The following PROCA1 variants were observed in gnomAD, a reference collection of about 807,000 sequenced individuals.
PROCA1 encodes the protein protein PROCA1.
PROCA1 carries 22 observed loss-of-function variants against 23.2 expected under a neutral mutation model. The observed-to-expected ratio is 0.95, with a 90% CI of 0.68 to 1.35. The LOEUF (loss-of-function observed/expected upper bound fraction) is 1.35. PROCA1 is among the 40% of genes most tolerant of loss of function. The pLI, the probability that PROCA1 is intolerant of heterozygous loss-of-function variation, is 0.00. For synonymous variants in PROCA1, 182 were observed against 179.2 expected (o/e 1.02, Z -0.12); for missense variants, 469 against 459.8 (o/e 1.02, Z -0.18).
chr17:28,711,318 C>T (rs2032770403), intron 1 of PROCA1: 2 of 562,328 alleles, frequency 3.6e-6, no homozygotes, highest in Admixed American at 4.0e-5. Flanking sequence ...CCAGACTTCC[C>T]GCCCATCCCG....
At chr17:28,706,586 C>A in intron 2 of PROCA1, 94 bp downstream of exon 2, 1 of 880,546 alleles carries the variant, frequency 1.1e-6, no homozygotes, top group South Asian at 1.4e-5. Context: ...CACTTCCCTC[C>A]CTCCCTGCCT....
At position 28,703,327 on chromosome 17, in the gene PROCA1, T is replaced by A. The variant is rs1448823065; in HGVS notation, c.*231A>T. 1 of 563,404 alleles carries A rather than the reference T, an allele frequency of 1.8e-6. No homozygotes were observed. The highest frequency in any genetic ancestry group is 3.1e-6 in the Non-Finnish European group (1 of 319,092). The allele number at this position is 563,404 out of a possible 1,614,324, so 34.9% of individuals were successfully genotyped here. ...CTCCTTCCCACCCCAGATACACTCT[T>A]CCACCTTGTCCTAGCAGGTAGGAAG... On this transcript the variant is annotated 3_prime_UTR_variant, in exon 5 of 5. Coordinates refer to ENST00000682792, the MANE Select transcript of PROCA1 (RefSeq NM_001366301.1).
In PROCA1 at chr17:28,711,732, A is replaced by G; in HGVS notation, c.-72T>C. ...CCAACCCTGAGCCTCAGCCCGGCCGAGCCCTCGGCCCAGCCGTGAACTCCA... is the reference window on the plus strand; with the variant it reads ...CCAACCCTGAGCCTCAGCCCGGCCGGGCCCTCGGCCCAGCCGTGAACTCCA... On this transcript the variant is annotated 5_prime_UTR_variant, in exon 1 of 5. Coordinates refer to ENST00000682792, the MANE Select transcript of PROCA1 (RefSeq NM_001366301.1). 1 of 1,388,052 alleles carries G rather than the reference A, an allele frequency of 7.2e-7. No homozygotes were observed. The highest frequency in any genetic ancestry group is 2.1e-5 in the Admixed American group (1 of 46,796). The allele number at this position is 1,388,052 out of a possible 1,614,324, so 86.0% of individuals were successfully genotyped here.
rs543135538 is a variant in PROCA1 at position 28,704,072 on chromosome 17, G to T, written c.581C>A (p.Ala194Asp). The change falls in exon 5 of 5, where the codon GCC becomes GAC. Residue 194 changes from alanine to aspartate, a missense_variant. Coordinates refer to ENST00000682792, the MANE Select transcript of PROCA1 (RefSeq NM_001366301.1). ...KPPIPTQVGP[A>D]TASPDLGTSM... is the part of the protein sequence containing the mutation. ...GGTGCCTAGGTCAGGGGAGGCGGTG[G>T]CGGGCCCCACCTGTGTCGGGATGGG... The T allele has an allele frequency of 1.0e-5, 16 of 1,599,958 alleles. No individual in the cohort carries two copies. The East Asian group carries it at 1.3e-4, about 13-fold the overall frequency.
At position 28,711,633 on chromosome 17, in the gene PROCA1, C is replaced by T; in HGVS notation, c.28G>A (p.Glu10Lys). The T allele has an allele frequency of 6.2e-7, 1 of 1,612,826 alleles. No homozygotes were observed. Among genetic ancestry groups the T allele is most frequent in the Non-Finnish European group, 8.5e-7 (1 of 1,179,602 alleles). Residue 10 changes from glutamate (E) to lysine (K), a missense_variant, in exon 1 of 5, where the codon GAA (glutamate) becomes AAA (lysine). Physicochemically the swap from Glu to Lys is moderately conservative, Grantham distance 56 (BLOSUM62 1). Transcript: ENST00000682792. MWVRTTLTI[E>K]RWTKEKTEPK... Reference sequence around the variant, plus strand: ...TCGGTCTTTTCCTTAGTCCATCTTTCAATTGTGAGCGTCGTCCTGACCCAC... The same window carrying T: ...TCGGTCTTTTCCTTAGTCCATCTTTTAATTGTGAGCGTCGTCCTGACCCAC...
At chr17:28,706,868 C>A in intron 1 of PROCA1, 105 bp from the exon 2 acceptor site, 1 of 1,035,916 alleles carries the variant, frequency 9.7e-7, no homozygotes, top group South Asian at 1.4e-5. Context: ...TCGCTGCATC[C>A]TGGAGATGCA....
rs749445488 is a variant in PROCA1, at chr17:28,711,624, T to C, written c.37A>G (p.Thr13Ala). ...GCCTTGGGCTCGGTCTTTTCCTTAG[T>C]CCATCTTTCAATTGTGAGCGTCGTC... is the stretch of plus-strand genomic sequence containing the variant. Reference protein sequence around the residue: ...VRTTLTIERWTKEKTEPKARS... With the variant: ...VRTTLTIERWAKEKTEPKARS... The change falls in exon 1 of 5, where the codon ACT (threonine) becomes GCT (alanine). Residue 13 changes from threonine (T) to alanine (A), a missense_variant. By Grantham distance (58) the Thr-to-Ala change is moderately conservative. Coordinates refer to ENST00000682792, the MANE Select transcript of PROCA1 (RefSeq NM_001366301.1). 2 of 1,612,352 alleles carry C rather than the reference T, an allele frequency of 1.2e-6. No individual in the cohort carries two copies. Among genetic ancestry groups the C allele is most frequent in the Admixed American group, 3.3e-5 (2 of 59,944 alleles).
chr17:28,706,602 C>G, intron 2 of PROCA1, 78 bp downstream of exon 2: 1 of 1,064,042 alleles, frequency 9.4e-7, no homozygotes, highest in Non-Finnish European at 1.3e-6. Context: ...TGCCTCAGGA[C>G]CAAGCTTCCA....
rs2032277354 is a variant in PROCA1, at chr17:28,703,945, T to G, written c.708A>C (p.Val236=). The stretch of plus-strand genomic sequence containing the variant: ...CTTTCTCTTTTTCCTTTTTCTTCTT[T>G]ACCTTCTTGATCACCTTGCTGCCCT... The part of the protein sequence containing the change: ...KGQGSKVIKK[V]KKKKEKEKDK... The change falls in exon 5 of 5, where the codon GTA becomes GTC. Residue 236 remains valine (V), a synonymous_variant. Transcript: ENST00000682792. 2 of 1,612,486 alleles carry G rather than the reference T, an allele frequency of 1.2e-6. No individual in the cohort carries two copies. Among genetic ancestry groups the G allele is most frequent in the Non-Finnish European group, 1.7e-6 (2 of 1,179,384 alleles).
intron 1 of PROCA1, among the ~76,000 whole-genome samples, chr17:28,709,770 G>T (rs2032693389): frequency 6.6e-6 from 1 of 151,894 alleles, no homozygotes; most frequent in Non-Finnish European, 1.5e-5. Flanking sequence ...GCCGAGGTGG[G>T]CGGATCACTT....
intron 1 of PROCA1, chr17:28,707,391 T>G (rs951102331): frequency 4.6e-5 from 7 of 152,478 alleles, no homozygotes; most frequent in Non-Finnish European, 8.8e-5. Context: ...CATCCTCCTA[T>G]AAGTCTCTGG....
Position 28,711,593 on chromosome 17 carries a change from G to A in PROCA1, c.68C>T (p.Ser23Leu). 1 of 1,610,970 alleles carries A rather than the reference G, an allele frequency of 6.2e-7. No homozygotes were observed. Among genetic ancestry groups the A allele is most frequent in the Non-Finnish European group, 8.5e-7 (1 of 1,179,114 alleles). Residue 23 changes from serine to leucine, a missense_variant, in exon 1 of 5, where the codon TCG (serine) becomes TTG (leucine). Transcript: ENST00000682792. ...ACCGCGGCATCTGCTCTCATCCCAC[G>A]AGCGGGCCTTGGGCTCGGTCTTTTC... ...TKEKTEPKARSWDESRCRDVN... is the reference protein window; with the variant it reads ...TKEKTEPKARLWDESRCRDVN...
Position 28,703,631 on chromosome 17 carries a change from CCT to C in PROCA1, c.1020_1021del (p.Ala342LysfsTer?), listed in dbSNP as rs755511122. The C allele has an allele frequency of 1.5e-5, 25 of 1,614,066 alleles. 1 individual carries two copies. The Admixed American group carries it at 4.0e-4, about 26-fold the overall frequency. ...CTTCCTGGCTTGTGAGGGCTTTGCC[CCT>C]GTCTTTTTGGCCTGGACTGTGTTCT... is the stretch of plus-strand genomic sequence containing the variant. On this transcript the variant is annotated frameshift_variant, in exon 5 of 5. Coordinates refer to ENST00000682792, the MANE Select transcript of PROCA1 (RefSeq NM_001366301.1). LOFTEE classifies it high-confidence loss of function.
chr17:28,703,569 TG>T lies in PROCA1; in HGVS notation c.1083del (p.Asn362ThrfsTer77), dbSNP rs755012195. The T allele has an allele frequency of 1.2e-6, 2 of 1,613,736 alleles. No homozygotes were observed. The highest frequency in any genetic ancestry group is 1.7e-6 in the Non-Finnish European group (2 of 1,179,764). On this transcript the variant is annotated frameshift_variant, in exon 5 of 5. Coordinates refer to ENST00000682792, the MANE Select transcript of PROCA1 (RefSeq NM_001366301.1). LOFTEE classifies it high-confidence loss of function. ...TGACCACCCTGGCCTCAACTGAGGT[TG>T]GGGTTTGATCCTGGGGGAGATTTTC... ...NKRKSPPGSNPNLS is the reference protein window; with the variant it reads ...NKRKSPPGSNXNLS
At position 28,704,707 on chromosome 17, in the gene PROCA1, C is replaced by T. The variant is rs1174009098; in HGVS notation, c.311+1G>A. 7 of 1,614,004 alleles carry T rather than the reference C, an allele frequency of 4.3e-6. No individual in the cohort carries two copies. The East Asian group carries it at 1.3e-4, about 31-fold the overall frequency. The stretch of plus-strand genomic sequence containing the variant: ...GGTCCCCCAAGGGGGCGGGCCCTCA[C>T]CTAGAATTACAGTTGCAGTGGTTGA... On this transcript the variant is annotated splice_donor_variant, in intron 3 of 4. Transcript: ENST00000682792. LOFTEE classifies it high-confidence loss of function.
At chr17:28,708,651 A>C (rs544861154) in intron 1 of PROCA1, among the ~76,000 whole-genome samples, 5 of 151,482 alleles carry the variant, frequency 3.3e-5, no homozygotes, top group Non-Finnish European at 5.9e-5. Flanking sequence ...TCAGAGAGGC[A>C]AGAGGCGGGA....
At chr17:28,704,624 G>A (rs748465936) in intron 3 of PROCA1, 84 bp downstream of exon 3, 10 of 1,585,132 alleles carry the variant, frequency 6.3e-6, no homozygotes, top group Admixed American at 1.7e-5. Flanking sequence ...AAGCTGAAGA[G>A]GCAAACCAAA....
At position 28,711,462 on chromosome 17, in the gene PROCA1, G is replaced by C; in HGVS notation, c.91+108C>G. The C allele has an allele frequency of 3.3e-6, 3 of 918,760 alleles. No homozygotes were observed. The Admixed American group carries it at 9.1e-5, about 28-fold the overall frequency. 56.9% of individuals were successfully genotyped at this position (918,760 alleles called of 1,614,324 possible). On this transcript the variant is annotated intron_variant, in intron 1 of 4. Coordinates refer to ENST00000682792, the MANE Select transcript of PROCA1 (RefSeq NM_001366301.1). ...CCCAGCACTGGGCCCCGCCTCTCTC[G>C]TTGGTTTGCCCGTCTCCCTCGTCGG...
Position 28,711,873 on chromosome 17 carries a change from G to A in PROCA1, c.-213C>T. ...TCTTCCCAGCTGGGTCTCAGCGTCA[G>A]CCGCGTTCTTCATCCGGGGCCTCCG... On this transcript the variant is annotated 5_prime_UTR_variant, in exon 1 of 5. Coordinates refer to ENST00000682792, the MANE Select transcript of PROCA1 (RefSeq NM_001366301.1). The A allele has an allele frequency of 2.0e-6, 1 of 488,566 alleles. No homozygotes were observed. The highest frequency in any genetic ancestry group is 3.6e-6 in the Non-Finnish European group (1 of 278,380). The allele number at this position is 488,566 out of a possible 1,614,324, so 30.3% of individuals were successfully genotyped here.
Sources: allele counts gnomAD v4.1 joint callset (sites outside exome capture counted in the v4.1 genomes callset), GRCh38; gene constraint gnomAD v4.1.1; transcripts MANE v1.5; gene names NCBI Gene and HGNC (gene_info 2026-07-23, HGNC 2026-07-21).